Variants in PTPRD observed in about 807,000 individuals in gnomAD.
The protein encoded by PTPRD is receptor-type tyrosine-protein phosphatase delta.
Under a neutral mutation model 214.5 loss-of-function variants are expected in PTPRD, and 34 were observed. The ratio of observed to expected loss-of-function variants is 0.16; its 90% CI spans 0.12 to 0.21. PTPRD has a LOEUF of 0.21. PTPRD is among the 10% of genes least tolerant of loss of function. The pLI is 1.00. For synonymous variants in PTPRD, 1,128 were observed against 845.7 expected (o/e 1.33, Z -5.79); for missense variants, 2,545 against 2,398.7 (o/e 1.06, Z -1.27).
intron 5 of PTPRD, among the ~76,000 whole-genome samples, chr9:9,837,251 C>T (rs1346456425): frequency 6.6e-6 from 1 of 152,018 alleles, no homozygotes; most frequent in East Asian, 1.9e-4. Flanking sequence ...TCCAGGAATA[C>T]CGTAGCTGAC....
At chr9:9,548,832 T>C (rs1569569187) in intron 8 of PTPRD, among the ~76,000 whole-genome samples, 2 of 152,108 alleles carry the variant, frequency 1.3e-5, no homozygotes, top group Admixed American at 1.3e-4. Context: ...ACTAAATGTA[T>C]ATCCCTTAAA....
intron 14 of PTPRD, among the ~76,000 whole-genome samples, chr9:8,575,108 T>G (rs1263694166): frequency 6.6e-6 from 1 of 152,114 alleles, no homozygotes; most frequent in South Asian, 2.1e-4. Flanking sequence ...TTCAAGTAGT[T>G]CAGGCTGCAA....
At chr9:10,500,329 A>C (rs1047219050) in intron 2 of PTPRD, among the ~76,000 whole-genome samples, 2 of 151,884 alleles carry the variant, frequency 1.3e-5, no homozygotes, top group African/African-American at 4.8e-5. Flanking sequence ...CTCTTTTTCC[A>C]AGAAAAACAC....
At position 10,181,067 on chromosome 9, in the gene PTPRD, G is replaced by A. The variant is rs1275107330; in HGVS notation, c.-544-147277C>T. Among the ~76,000 whole-genome samples, 3 of 152,064 alleles carry A rather than the reference G, an allele frequency of 2.0e-5. No individual in the cohort carries two copies. The East Asian group carries it at 5.8e-4, about 29-fold the overall frequency. On this transcript the variant is annotated intron_variant, in intron 3 of 45. Coordinates refer to ENST00000381196, the MANE Select transcript of PTPRD (RefSeq NM_002839.4). ...CTGAAGTTCCTAGGTAATGCTGTAA[G>A]TCAAGAAAAACAAATGCATCATATA...
chr9:8,667,355 A>G (rs1476105739), intron 12 of PTPRD, among the ~76,000 whole-genome samples: 2 of 152,128 alleles, frequency 1.3e-5, no homozygotes, highest in Non-Finnish European at 1.5e-5. Context: ...AAATAAATAA[A>G]ACAAAACCAG....
chr9:8,927,173 C>T (rs1340957522), intron 11 of PTPRD, among the ~76,000 whole-genome samples: 2 of 152,054 alleles, frequency 1.3e-5, no homozygotes, highest in Non-Finnish European at 2.9e-5. Flanking sequence ...ACCTCTACAC[C>T]TTCTCTTTTC....
At chr9:10,412,506 C>G (rs10959096) in intron 2 of PTPRD, among the ~76,000 whole-genome samples, 95,229 of 151,228 alleles carry the variant, frequency 0.63, 31,159 homozygotes, top group Non-Finnish European at 0.73. Flanking sequence ...AGAGCTGGTA[C>G]CATTCCTACT....
intron 2 of PTPRD, among the ~76,000 whole-genome samples, chr9:10,431,531 A>T (rs1433846454): frequency 1.3e-5 from 2 of 151,834 alleles, no homozygotes; most frequent in Non-Finnish European, 2.9e-5. Flanking sequence ...TTCGCAACCT[A>T]CTCATCTGAC....
intron 8 of PTPRD, among the ~76,000 whole-genome samples, chr9:9,409,179 A>G (rs2074541669): frequency 6.6e-6 from 1 of 151,952 alleles, no homozygotes; most frequent in Admixed American, 6.6e-5. Flanking sequence ...ATCTCAGTAT[A>G]CTGTTCCTAC....
intron 9 of PTPRD, among the ~76,000 whole-genome samples, chr9:9,395,863 A>C (rs1244921094): frequency 6.6e-6 from 1 of 152,112 alleles, no homozygotes; most frequent in Non-Finnish European, 1.5e-5. Flanking sequence ...TATGGTTAGG[A>C]CTATCTACCC....
chr9:9,166,963 C>G (rs1182732407), intron 10 of PTPRD, among the ~76,000 whole-genome samples: 1 of 152,090 alleles, frequency 6.6e-6, no homozygotes, highest in Non-Finnish European at 1.5e-5. Flanking sequence ...AATATACGCT[C>G]TTAGCTGAGT....
chr9:9,800,605 G>T (rs1338021865), intron 5 of PTPRD: 1 of 152,188 alleles, frequency 6.6e-6, no homozygotes, highest in Non-Finnish European at 1.5e-5. Context: ...AAGGATCATT[G>T]TCTATAGACC....
intron 11 of PTPRD, among the ~76,000 whole-genome samples, chr9:8,735,709 A>G (rs914398716): frequency 6.6e-6 from 1 of 152,076 alleles, no homozygotes; most frequent in Non-Finnish European, 1.5e-5. Context: ...CAGGAGTTCA[A>G]GACCAGCCTG....
intron 3 of PTPRD, among the ~76,000 whole-genome samples, chr9:10,170,219 T>C (rs900072080): frequency 6.6e-6 from 1 of 152,138 alleles, no homozygotes; most frequent in African/African-American, 2.4e-5. Flanking sequence ...GGGAGCATTA[T>C]TGAGAATATA....
At chr9:10,436,989 T>G (rs981159981) in intron 2 of PTPRD, among the ~76,000 whole-genome samples, 2 of 151,824 alleles carry the variant, frequency 1.3e-5, no homozygotes, top group Non-Finnish European at 2.9e-5. Flanking sequence ...TGAGCTTAAC[T>G]GGGTAGTCAT....
intron 3 of PTPRD, among the ~76,000 whole-genome samples, chr9:10,060,827 T>TCTTTCTTTCTTTCTTC (rs1217470478): frequency 8.4e-6 from 1 of 119,752 alleles, no homozygotes; most frequent in African/African-American, 5.4e-5. Flanking sequence ...TTTCTTTCTT[T>TCTTTCTTTCTTTCTTC]CTTCCTTCCT....
At chr9:9,719,847 T>C (rs892793809) in intron 7 of PTPRD, among the ~76,000 whole-genome samples, 6 of 152,208 alleles carry the variant, frequency 3.9e-5, no homozygotes, top group Non-Finnish European at 8.8e-5. Flanking sequence ...AGAAGCCTCT[T>C]GCAGTACACC....
At chr9:9,339,659 A>T (rs945809994) in intron 9 of PTPRD, among the ~76,000 whole-genome samples, 4 of 152,180 alleles carry the variant, frequency 2.6e-5, no homozygotes, top group African/African-American at 2.4e-5. Flanking sequence ...ATTTACATCA[A>T]CTTAATTACC....
chr9:8,612,815 C>T (rs933924815), intron 14 of PTPRD, among the ~76,000 whole-genome samples: 1 of 152,110 alleles, frequency 6.6e-6, no homozygotes, highest in African/African-American at 2.4e-5. Context: ...ATTTCACATT[C>T]TTTTTTATGC....
Sources: gnomAD v4.1 joint callset for allele counts (sites outside exome capture counted in the v4.1 genomes callset) on GRCh38, gnomAD v4.1.1 for gene constraint, MANE v1.5 for transcripts, NCBI Gene and HGNC (gene_info 2026-07-23, HGNC 2026-07-21) for gene names.